The following SUPT3H variants were observed in gnomAD, a reference collection of about 807,000 sequenced individuals.
SUPT3H encodes the protein transcription initiation protein SPT3 homolog.
SUPT3H carries 44 observed loss-of-function variants against 44.3 expected under a neutral mutation model. The ratio of observed to expected loss-of-function variants is 0.99; its 90% confidence interval spans 0.78 to 1.28. The LOEUF is 1.28. SUPT3H is among the 50% of genes most tolerant of loss of function. SUPT3H has a pLI of 0.00. For missense variants in SUPT3H, 380 were observed against 387.1 expected, an observed-to-expected ratio of 0.98 and a Z score of 0.15; for synonymous variants, 124 against 125.6, an observed-to-expected ratio of 0.99 and a Z score of 0.09.
intron 3 of SUPT3H, among the ~76,000 whole-genome samples, chr6:45,093,714 G>A (rs1010967044): frequency 3.9e-5 from 6 of 152,078 alleles, no homozygotes; most frequent in Non-Finnish European, 8.8e-5. Context: ...TCACAGATAT[G>A]TTTATTCTTC....
intron 10 of SUPT3H, among the ~76,000 whole-genome samples, chr6:44,916,853 G>T (rs1292499676): frequency 6.6e-6 from 1 of 152,106 alleles, no homozygotes; most frequent in Non-Finnish European, 1.5e-5. Context: ...TAATTTGGGG[G>T]CTAGGCACAG....
chr6:45,139,017 G>C (rs951218362), intron 2 of SUPT3H, among the ~76,000 whole-genome samples: 1 of 152,068 alleles, frequency 6.6e-6, no homozygotes, highest in Non-Finnish European at 1.5e-5. Flanking sequence ...TTAAATTGTA[G>C]AAGAAAAAAA....
intron 2 of SUPT3H, among the ~76,000 whole-genome samples, chr6:45,166,415 C>A (rs143971522): frequency 6.6e-6 from 1 of 151,726 alleles, no homozygotes; most frequent in Non-Finnish European, 1.5e-5. Flanking sequence ...AGTGAAACCC[C>A]GTCTCTACTA....
At chr6:45,052,423 G>A (rs533198757) in intron 3 of SUPT3H, among the ~76,000 whole-genome samples, 2 of 152,240 alleles carry the variant, frequency 1.3e-5, no homozygotes, top group African/African-American at 4.8e-5. Context: ...TACATTGAAA[G>A]GTTTTATAGG....
chr6:44,900,837 G>A (rs180690789), intron 10 of SUPT3H, among the ~76,000 whole-genome samples: 4 of 152,116 alleles, frequency 2.6e-5, no homozygotes, highest in African/African-American at 7.2e-5. Flanking sequence ...CCAGAGGAAC[G>A]ATCAGGCAGC....
intron 2 of SUPT3H, among the ~76,000 whole-genome samples, chr6:45,323,610 A>G (rs1481274074): frequency 1.3e-5 from 2 of 152,108 alleles, no homozygotes; most frequent in South Asian, 4.1e-4. Flanking sequence ...CGAAATATAC[A>G]TGACTATACT....
At chr6:44,870,540 AG>A (rs1211962042) in intron 10 of SUPT3H, among the ~76,000 whole-genome samples, 1 of 150,642 alleles carries the variant, frequency 6.6e-6, no homozygotes, top group African/African-American at 2.4e-5. Flanking sequence ...TCGAGGCTGC[AG>A]CGAGCCGGGA....
At chr6:45,296,305 A>C (rs896444797) in intron 2 of SUPT3H, among the ~76,000 whole-genome samples, 2 of 152,142 alleles carry the variant, frequency 1.3e-5, no homozygotes, top group African/African-American at 4.8e-5. Flanking sequence ...AAGTGAAGTA[A>C]TGCAGGAATA....
In SUPT3H at chr6:45,230,660, G is replaced by GCATA. The variant is rs765270979; in HGVS notation, c.102-124655_102-124654insTATG. Among the ~76,000 whole-genome samples the GCATA allele has an allele frequency of 2.6e-3, 135 of 51,178 alleles. 24 individuals carry two copies. The highest frequency in any genetic ancestry group is 6.4e-3 in the Admixed American group (30 of 4,656). The allele number at this position is 51,178 out of a possible 152,430, so 33.6% of individuals were successfully genotyped here. A position where few individuals can be genotyped will look rare whatever the true frequency, so the allele number is the denominator to read the frequency against. On this transcript the variant is annotated intron_variant, in intron 2 of 10. Transcript: ENST00000371459. ...TGAAATCATGTTTTAAATTCATTCA[G>GCATA]TCTATATATATATATATATATATAT...
chr6:44,945,025 A>G (rs577226551), intron 9 of SUPT3H, among the ~76,000 whole-genome samples: 1 of 152,096 alleles, frequency 6.6e-6, no homozygotes, highest in Admixed American at 6.5e-5. Context: ...AAAAGCATAT[A>G]CGTGTCCAAC....
At chr6:44,901,393 C>T (rs1299416703) in intron 10 of SUPT3H, among the ~76,000 whole-genome samples, 3 of 151,860 alleles carry the variant, frequency 2.0e-5, no homozygotes, top group African/African-American at 7.3e-5. Flanking sequence ...CCTCAGTAGC[C>T]GATATGATCG....
intron 2 of SUPT3H, among the ~76,000 whole-genome samples, chr6:45,274,998 T>G (rs1217218159): frequency 6.6e-6 from 1 of 152,224 alleles, no homozygotes; most frequent in East Asian, 1.9e-4. Flanking sequence ...AATTGATTTT[T>G]GGATGCTGAA....
chr6:45,226,775 C>T (rs1451406074), intron 2 of SUPT3H, among the ~76,000 whole-genome samples: 2 of 151,966 alleles, frequency 1.3e-5, no homozygotes, highest in African/African-American at 4.8e-5. Flanking sequence ...ATGATCCGCC[C>T]GCCCTGCCCT....
intron 6 of SUPT3H, among the ~76,000 whole-genome samples, chr6:44,977,314 G>A (rs766817488): frequency 6.6e-6 from 1 of 152,152 alleles, no homozygotes; most frequent in Non-Finnish European, 1.5e-5. Context: ...TAGAACAGCA[G>A]TATTTTAAAG....
chr6:45,175,119 A>G (rs1293900784), intron 2 of SUPT3H, among the ~76,000 whole-genome samples: 1 of 151,712 alleles, frequency 6.6e-6, no homozygotes, highest in Non-Finnish European at 1.5e-5. Flanking sequence ...AGAACTTCCT[A>G]CTATATCACT....
chr6:45,165,637 A>C (rs1035396483), intron 2 of SUPT3H, among the ~76,000 whole-genome samples: 2 of 152,240 alleles, frequency 1.3e-5, no homozygotes, highest in African/African-American at 4.8e-5. Flanking sequence ...AAGGATTGCA[A>C]ATGAGAAACA....
chr6:45,107,994 T>C (rs1480503686), intron 2 of SUPT3H, among the ~76,000 whole-genome samples: 3 of 152,178 alleles, frequency 2.0e-5, no homozygotes, highest in Non-Finnish European at 4.4e-5. Flanking sequence ...TAATAGCATT[T>C]AAAAAGTTAA....
At chr6:45,342,586 T>C (rs1790023240) in intron 2 of SUPT3H, among the ~76,000 whole-genome samples, 1 of 152,180 alleles carries the variant, frequency 6.6e-6, no homozygotes, top group African/African-American at 2.4e-5. Flanking sequence ...AAAAATAATA[T>C]GAGAGTGCCT....
rs542036678 is a variant in SUPT3H, at chr6:45,341,231, A to G, written c.101+23970T>C. The stretch of plus-strand genomic sequence containing the variant: ...TTTTCTCTGGCAGAGGGTAGGAATA[A>G]AGCTATGAGATTATATTTTTCAGTC... On this transcript the variant is annotated intron_variant, in intron 2 of 10. Transcript: ENST00000371459. Among the ~76,000 whole-genome samples, 4 of 152,306 alleles carry G rather than the reference A, an allele frequency of 2.6e-5. No individual in the cohort carries two copies. The South Asian group carries it at 8.3e-4, about 32-fold the overall frequency.
Sources: allele counts gnomAD v4.1 joint callset (sites outside exome capture counted in the v4.1 genomes callset), GRCh38; gene constraint gnomAD v4.1.1; transcripts MANE v1.5; gene names NCBI Gene and HGNC (gene_info 2026-07-23, HGNC 2026-07-21).